The following BABAM2 variants were observed in gnomAD, a reference collection of about 807,000 sequenced individuals.
BABAM2 encodes the protein BRISC and BRCA1 A complex member 2.
A neutral mutation model predicts 54.7 loss-of-function variants in BABAM2; 31 were observed. That is an observed-to-expected ratio of 0.57 (90% CI 0.43 to 0.77). The LOEUF (loss-of-function observed/expected upper bound fraction) is 0.77. Among genes scored for constraint, BABAM2 ranks in the 30% least tolerant of loss-of-function variants. The probability of loss-of-function intolerance (pLI) is 0.00; values close to 1 mark genes in which losing one functional copy is unlikely to be tolerated. For synonymous variants in BABAM2, 167 were observed against 162.9 expected (o/e 1.03, Z -0.19); for missense variants, 364 against 455.8 (o/e 0.80, Z 1.83).
chr2:28,282,412 C>G (rs1573993079), intron 10 of BABAM2, among the ~76,000 whole-genome samples: 1 of 152,092 alleles, frequency 6.6e-6, no homozygotes, highest in Non-Finnish European at 1.5e-5. Flanking sequence ...CCTATAGCAA[C>G]CCCTGGCTGA....
chr2:28,150,695 G>T (rs916141904), intron 7 of BABAM2, among the ~76,000 whole-genome samples: 35 of 152,072 alleles, frequency 2.3e-4, no homozygotes, highest in Non-Finnish European at 1.9e-4. Flanking sequence ...AGGGAAGAGC[G>T]CCAGCCAGTG....
chr2:28,021,517 C>T (rs759652418), intron 4 of BABAM2, among the ~76,000 whole-genome samples: 9 of 152,086 alleles, frequency 5.9e-5, no homozygotes, highest in Non-Finnish European at 1.0e-4. Context: ...ATTACTTTTT[C>T]AATGAAAAAT....
chr2:27,975,175 C>T (rs1326232439), intron 3 of BABAM2, among the ~76,000 whole-genome samples: 1 of 152,012 alleles, frequency 6.6e-6, no homozygotes, highest in Non-Finnish European at 1.5e-5. Flanking sequence ...AGTCAATTTT[C>T]CCTAAATTAA....
chr2:28,032,624 T>C (rs2148584214), intron 5 of BABAM2, among the ~76,000 whole-genome samples: 1 of 152,316 alleles, frequency 6.6e-6, no homozygotes, highest in Admixed American at 6.5e-5. Flanking sequence ...TTGTCTATGC[T>C]GGTTTTATAA....
At chr2:28,027,272 T>C (rs1279540681) in intron 5 of BABAM2, among the ~76,000 whole-genome samples, 1 of 151,986 alleles carries the variant, frequency 6.6e-6, no homozygotes, top group Non-Finnish European at 1.5e-5. Context: ...ACTAATGTTA[T>C]GTTCTCAATG....
At chr2:27,997,245 G>T (rs1016170182) in intron 4 of BABAM2, among the ~76,000 whole-genome samples, 1 of 151,658 alleles carries the variant, frequency 6.6e-6, no homozygotes, top group Non-Finnish European at 1.5e-5. Context: ...TTGTTAACAT[G>T]GCATCTCTGG....
chr2:27,890,235 G>T, upstream of BABAM2: 1 of 1,610,344 alleles, frequency 6.2e-7, no homozygotes, highest in Non-Finnish European at 8.5e-7. The surrounding 1 kb of genome is among the most constrained non-coding windows in gnomAD (Gnocchi z 4.8). Context: ...GCCGCAGACT[G>T]AGTAACTGGC....
intron 3 of BABAM2, among the ~76,000 whole-genome samples, chr2:27,963,915 C>T (rs370157491): frequency 6.6e-6 from 1 of 152,206 alleles, no homozygotes; most frequent in Non-Finnish European, 1.5e-5. Flanking sequence ...AAATTTCATT[C>T]TATCCCAGTA....
At chr2:28,019,057 G>A (rs1675060225) in intron 4 of BABAM2, among the ~76,000 whole-genome samples, 1 of 151,846 alleles carries the variant, frequency 6.6e-6, no homozygotes, top group African/African-American at 2.4e-5. Flanking sequence ...GTGTCCATAT[G>A]TTCTCATTGT....
chr2:28,318,682 G>A (rs1689771928), intron 11 of BABAM2, among the ~76,000 whole-genome samples: 1 of 152,210 alleles, frequency 6.6e-6, no homozygotes, highest in Non-Finnish European at 1.5e-5. Flanking sequence ...TTTTTACGGA[G>A]TTGATTTTGC....
intron 7 of BABAM2, chr2:28,233,290 C>T: frequency 2.1e-6 from 1 of 471,072 alleles, no homozygotes; most frequent in South Asian, 1.5e-5. Context: ...TCAGGCCCTG[C>T]CTTCTCTTCA....
At chr2:28,061,375 G>A (rs944353781) in intron 6 of BABAM2, among the ~76,000 whole-genome samples, 1 of 151,770 alleles carries the variant, frequency 6.6e-6, no homozygotes, top group Non-Finnish European at 1.5e-5. Flanking sequence ...CACGAGGTCA[G>A]GAGATAGCGA....
intron 2 of BABAM2, among the ~76,000 whole-genome samples, chr2:27,897,532 T>G (rs1002392639): frequency 1.3e-5 from 2 of 152,174 alleles, no homozygotes; most frequent in Admixed American, 6.5e-5. Flanking sequence ...CAGAAGACAG[T>G]TTTAACTTTT....
At chr2:28,075,529 T>C (rs1664574087) in intron 6 of BABAM2, among the ~76,000 whole-genome samples, 1 of 116,118 alleles carries the variant, frequency 8.6e-6, no homozygotes, top group East Asian at 2.0e-4. Context: ...ATCACGTTTT[T>C]CTCTCTCTCT....
chr2:28,272,757 A>G (rs1685524575), intron 10 of BABAM2, among the ~76,000 whole-genome samples: 1 of 152,192 alleles, frequency 6.6e-6, no homozygotes, highest in South Asian at 2.1e-4. Flanking sequence ...TTCTGAGACC[A>G]AGAAAGCCCA....
intron 7 of BABAM2, among the ~76,000 whole-genome samples, chr2:28,224,414 A>T (rs1311999385): frequency 6.6e-6 from 1 of 152,212 alleles, no homozygotes; most frequent in Non-Finnish European, 1.5e-5. Context: ...TGCAGACATG[A>T]GTGTCATAGA....
intron 7 of BABAM2, among the ~76,000 whole-genome samples, chr2:28,200,490 A>G (rs1443834683): frequency 6.6e-6 from 1 of 152,242 alleles, no homozygotes; most frequent in African/African-American, 2.4e-5. Context: ...ATTTGTAATC[A>G]TACTGTGCAC....
rs961505377 is a variant in BABAM2, at chr2:28,325,333, A to T, written c.1089-13117A>T. The stretch of plus-strand genomic sequence containing the variant: ...TGATCCCTGCAGCCCAGCAGAGCAG[A>T]TGCATCTCCTCCTCCTGTGCTTGCC... On this transcript the variant is annotated intron_variant, in intron 11 of 11. Transcript: ENST00000379624. The surrounding 1 kb of genome is among the most constrained non-coding windows in gnomAD (Gnocchi z 4.3). Among the ~76,000 whole-genome samples the T allele has an allele frequency of 6.6e-6, 1 of 152,156 alleles. No homozygotes were observed. The highest frequency in any genetic ancestry group is 2.1e-4 in the South Asian group (1 of 4,828).
intron 4 of BABAM2, among the ~76,000 whole-genome samples, chr2:28,020,707 T>C (rs1675181120): frequency 1.3e-5 from 2 of 152,296 alleles, no homozygotes; most frequent in South Asian, 2.1e-4. Context: ...ATAAACATAC[T>C]GTAATAGTAT....
Sources: gnomAD v4.1 joint callset for allele counts (sites outside exome capture counted in the v4.1 genomes callset) on GRCh38, gnomAD v4.1.1 for gene constraint, Gnocchi (gnomAD v3.1) non-coding constraint, MANE v1.5 for transcripts, NCBI Gene and HGNC (gene_info 2026-07-23, HGNC 2026-07-21) for gene names.